Variants in TDRD1 observed in about 807,000 individuals in gnomAD.
The protein encoded by TDRD1 is tudor domain-containing protein 1.
TDRD1 carries 37 observed loss-of-function variants against 140.6 expected under a neutral mutation model. The observed-to-expected ratio is 0.26, with a 90% confidence interval of 0.20 to 0.35. The LOEUF is 0.35. Ranked by LOEUF, TDRD1 falls within the 10% of genes least tolerant of loss-of-function variation. The probability of loss-of-function intolerance (pLI) is 1.00; values close to 1 mark genes in which losing one functional copy is unlikely to be tolerated. For synonymous variants in TDRD1, 506 were observed against 475.7 expected (o/e 1.06, Z -0.83); for missense variants, 1,243 against 1,393.0 (o/e 0.89, Z 1.71).
upstream of TDRD1, among the ~76,000 whole-genome samples, chr10:114,174,903 G>A (rs1018789529): frequency 3.3e-5 from 5 of 152,254 alleles, no homozygotes; most frequent in Admixed American, 6.5e-5. Flanking sequence ...AAGGTCAGCA[G>A]TTCAGTCTCT....
intron 11 of TDRD1, among the ~76,000 whole-genome samples, chr10:114,209,952 T>C (rs1241940469): frequency 2.6e-5 from 4 of 152,214 alleles, no homozygotes; most frequent in Non-Finnish European, 5.9e-5. Flanking sequence ...GCTAAAAATA[T>C]ATTCCTTGCA....
chr10:114,220,681 G>A, exon 19 of TDRD1: 1 of 1,613,672 alleles, frequency 6.2e-7, no homozygotes, highest in Non-Finnish European at 8.5e-7. Flanking sequence ...AAATGGGATA[G>A]GAGTTGAACT....
At chr10:114,203,551 A>G (rs370693761) in exon 8 of TDRD1, 11 of 1,607,260 alleles carry the variant, frequency 6.8e-6, no homozygotes, top group African/African-American at 1.3e-5. Flanking sequence ...TGTATTGCCA[A>G]GTACACTGTT....
intron 20 of TDRD1, 111 bp downstream of exon 20, chr10:114,221,587 T>A: frequency 4.6e-6 from 5 of 1,089,998 alleles, no homozygotes; most frequent in Non-Finnish European, 6.7e-6. Context: ...CTCACTGTTT[T>A]AAGGAAGAAC....
chr10:114,176,220 C>G (rs1443486832), upstream of TDRD1, among the ~76,000 whole-genome samples: 7 of 151,088 alleles, frequency 4.6e-5, no homozygotes, highest in Admixed American at 6.6e-5. This position sits in a 1 kb window ranked among gnomAD's most constrained non-coding sequence, Gnocchi z 4.2. Context: ...TTCTGAAATG[C>G]TACAATAGAG....
chr10:114,202,741 A>T (rs2034841312), intron 6 of TDRD1, among the ~76,000 whole-genome samples: 1 of 152,258 alleles, frequency 6.6e-6, no homozygotes, highest in Non-Finnish European at 1.5e-5. Context: ...TACTTAAAAA[A>T]ATGTGACTTC....
intron 3 of TDRD1, among the ~76,000 whole-genome samples, chr10:114,197,713 A>C (rs1188144568): frequency 1.3e-5 from 2 of 150,044 alleles, no homozygotes; most frequent in Non-Finnish European, 3.0e-5. Flanking sequence ...GCTAGAGTGC[A>C]GTGGCATGAT....
rs538601312 is a variant in TDRD1, at chr10:114,222,754, G to T, written c.3007+51G>T. 4 of 1,070,656 alleles carry T rather than the reference G, an allele frequency of 3.7e-6. No homozygotes were observed. The African/African-American group carries it at 6.3e-5, about 17-fold the overall frequency. 66.3% of individuals were successfully genotyped at this position (1,070,656 alleles called of 1,614,324 possible). A position where few individuals can be genotyped will look rare whatever the true frequency, so the allele number is the denominator to read the frequency against. ...TGAGGGAAGGTATTTAGTCTGTTTTGTTCTACATGATACTATGTAGATTTT... is the reference window on the plus strand; with the variant it reads ...TGAGGGAAGGTATTTAGTCTGTTTTTTTCTACATGATACTATGTAGATTTT... On this transcript the variant is annotated intron_variant, in intron 21 of 25. Coordinates refer to ENST00000251864, the Ensembl canonical transcript of TDRD1.
chr10:114,217,718 T>G (rs896708624), intron 17 of TDRD1, 63 bp downstream of exon 17: 28 of 833,166 alleles, frequency 3.4e-5, no homozygotes, highest in Middle Eastern at 2.4e-4. Context: ...TAACCTTATT[T>G]TTAGTGCACA....
At chr10:114,227,188 G>A (rs765857009) in exon 23 of TDRD1, 3 of 1,613,512 alleles carry the variant, frequency 1.9e-6, no homozygotes, top group Non-Finnish European at 2.5e-6. Flanking sequence ...TGTCCATACA[G>A]TGTCAGTTGA....
chr10:114,220,694 C>T (rs989970370), exon 19 of TDRD1: 1 of 1,613,960 alleles, frequency 6.2e-7, no homozygotes, highest in Non-Finnish European at 8.5e-7. Context: ...GTTGAACTCA[C>T]CGATCTCTCC....
intron 2 of TDRD1, among the ~76,000 whole-genome samples, chr10:114,188,854 TCAAAA>T (rs2033745256): frequency 7.9e-6 from 1 of 127,244 alleles, no homozygotes; most frequent in Non-Finnish European, 1.6e-5. Flanking sequence ...ATACTCTGTC[TCAAAA>T]CAAAATAAAA....
At chr10:114,202,476 T>G (rs2034817200) in intron 6 of TDRD1, among the ~76,000 whole-genome samples, 178 bp downstream of exon 6, 1 of 152,218 alleles carries the variant, frequency 6.6e-6, no homozygotes, top group African/African-American at 2.4e-5. Context: ...CTTCATCTTT[T>G]TTTCAAAAAG....
At chr10:114,227,923 G>A in exon 24 of TDRD1, 6 of 1,613,688 alleles carry the variant, frequency 3.7e-6, no homozygotes, top group African/African-American at 1.3e-5. Flanking sequence ...AGATGTATAG[G>A]ATGAATTGCT....
At chr10:114,217,781 T>A (rs1283232373) in intron 17 of TDRD1, 126 bp downstream of exon 17, 1 of 599,412 alleles carries the variant, frequency 1.7e-6, no homozygotes, top group East Asian at 3.2e-5. Flanking sequence ...AATGAATGCT[T>A]ACAATGTCAT....
intron 19 of TDRD1, 27 bp from the exon 20 acceptor site, chr10:114,221,330 T>A (rs1032067132): frequency 6.2e-7 from 1 of 1,607,202 alleles, no homozygotes; most frequent in African/African-American, 1.3e-5. Context: ...TTATTCCGTG[T>A]GAGACCTGTG....
intron 13 of TDRD1, 45 bp downstream of exon 13, chr10:114,211,012 T>C: frequency 6.9e-7 from 1 of 1,448,390 alleles, no homozygotes; most frequent in Non-Finnish European, 9.4e-7. Context: ...TTTTTATTTA[T>C]TTTTTACTTA....
At chr10:114,192,910 AT>A (rs915423344) in intron 3 of TDRD1, among the ~76,000 whole-genome samples, 1 of 152,218 alleles carries the variant, frequency 6.6e-6, no homozygotes, top group African/African-American at 2.4e-5. Context: ...TTTTAAAAAA[AT>A]TTTTAACTAT....
At chr10:114,211,208 G>T (rs1481596438) in intron 13 of TDRD1, among the ~76,000 whole-genome samples, 2 of 152,130 alleles carry the variant, frequency 1.3e-5, no homozygotes, top group African/African-American at 4.8e-5. Flanking sequence ...TATAAAGGAG[G>T]TATTTTTGGT....
Sources: allele counts gnomAD v4.1 joint callset (sites outside exome capture counted in the v4.1 genomes callset), GRCh38; gene constraint gnomAD v4.1.1; non-coding constraint Gnocchi (gnomAD v3.1); transcripts MANE v1.5; gene names NCBI Gene and HGNC (gene_info 2026-07-23, HGNC 2026-07-21).